MACROD2: variants seen among roughly 807,000 people sequenced by gnomAD.
MACROD2 encodes mono-ADP ribosylhydrolase 2.
In MACROD2, 36 loss-of-function variants were observed where a neutral mutation model predicts 70.4. The ratio of observed to expected loss-of-function variants is 0.51; its 90% confidence interval spans 0.39 to 0.68. The LOEUF (loss-of-function observed/expected upper bound fraction) is 0.68, where lower values mean the gene tolerates loss of function less well. Among genes scored for constraint, MACROD2 ranks in the 30% least tolerant of loss-of-function variants. The probability of loss-of-function intolerance (pLI) is 0.00; values close to 1 mark genes in which losing one functional copy is unlikely to be tolerated. For synonymous variants in MACROD2, 172 were observed against 178.8 expected (o/e 0.96, Z 0.30); for missense variants, 496 against 538.4 (o/e 0.92, Z 0.78).
chr20:15,803,441 A>G (rs2063743208), intron 8 of MACROD2, among the ~76,000 whole-genome samples: 1 of 152,168 alleles, frequency 6.6e-6, no homozygotes, highest in Admixed American at 6.5e-5. Context: ...TATTTCAAAT[A>G]AAAAGTGCCT....
intron 5 of MACROD2, among the ~76,000 whole-genome samples, chr20:14,988,136 G>A (rs2122859457): frequency 6.6e-6 from 1 of 152,104 alleles, no homozygotes; most frequent in African/African-American, 2.4e-5. Flanking sequence ...GGTCGAGGCG[G>A]GCAGATCACC....
At chr20:14,475,604 A>G (rs391759) in intron 3 of MACROD2, among the ~76,000 whole-genome samples, 65,893 of 151,406 alleles carry the variant, frequency 0.44, 16,037 homozygotes, top group East Asian at 0.82. Flanking sequence ...ATAGCAATTA[A>G]TTGTTCATCT....
At chr20:14,935,265 C>A (rs1221728373) in intron 5 of MACROD2, 1 of 152,046 alleles carries the variant, frequency 6.6e-6, no homozygotes, top group Non-Finnish European at 1.5e-5. Context: ...TGTATCTTGT[C>A]TTTTTTGGCA....
chr20:14,600,685 A>G, intron 4 of MACROD2, among the ~76,000 whole-genome samples: 1 of 152,176 alleles, frequency 6.6e-6, no homozygotes, highest in Non-Finnish European at 1.5e-5. Flanking sequence ...GCAGGCACAC[A>G]GACTCCAGAG....
At chr20:15,437,039 A>G (rs190962015) in intron 7 of MACROD2, among the ~76,000 whole-genome samples, 183 of 152,286 alleles carry the variant, frequency 1.2e-3, no homozygotes, top group African/African-American at 4.2e-3. Flanking sequence ...CACTTTCTAT[A>G]TCTCCATAAA....
At chr20:14,003,168 A>G (rs1274099726) in intron 2 of MACROD2, among the ~76,000 whole-genome samples, 2 of 152,196 alleles carry the variant, frequency 1.3e-5, no homozygotes, top group African/African-American at 4.8e-5. Flanking sequence ...GCTAATTTCA[A>G]AGGTTGTGGT....
chr20:15,995,076 ATTGAG>A (rs1032016393), intron 15 of MACROD2, among the ~76,000 whole-genome samples: 2 of 152,092 alleles, frequency 1.3e-5, no homozygotes, highest in Non-Finnish European at 1.5e-5. Flanking sequence ...TTGATATATA[ATTGAG>A]TTATTTTTTT....
At chr20:16,016,282 C>A (rs1007568184) in intron 15 of MACROD2, among the ~76,000 whole-genome samples, 6 of 152,090 alleles carry the variant, frequency 3.9e-5, no homozygotes, top group Admixed American at 2.6e-4. Context: ...CAATAACTCC[C>A]AAATCTTGTC....
chr20:15,433,343 A>T (rs1447008550), intron 7 of MACROD2, among the ~76,000 whole-genome samples: 5 of 151,486 alleles, frequency 3.3e-5, no homozygotes, highest in African/African-American at 1.2e-4. Context: ...TGATAAACGA[A>T]TTCAGGAATG....
chr20:14,717,534 G>C (rs1255778841), intron 5 of MACROD2, among the ~76,000 whole-genome samples: 1 of 143,246 alleles, frequency 7.0e-6, no homozygotes, highest in East Asian at 2.1e-4. Flanking sequence ...CTTTTATGTA[G>C]TTTTTTTTTT....
At chr20:15,610,973 T>C (rs1197984429) in intron 8 of MACROD2, among the ~76,000 whole-genome samples, 1 of 148,982 alleles carries the variant, frequency 6.7e-6, no homozygotes, top group Non-Finnish European at 1.5e-5. Flanking sequence ...TTTCTTTTTA[T>C]GTCTTTTAGC....
intron 15 of MACROD2, among the ~76,000 whole-genome samples, chr20:16,020,685 C>T (rs899139625): frequency 4.0e-5 from 6 of 151,362 alleles, no homozygotes; most frequent in South Asian, 2.1e-4. Context: ...CGAATTCACT[C>T]TTCCTTAATT....
chr20:14,854,493 C>G (rs2073232296), intron 5 of MACROD2, among the ~76,000 whole-genome samples: 1 of 152,064 alleles, frequency 6.6e-6, no homozygotes, highest in Admixed American at 6.5e-5. Context: ...GGTGAGCTGT[C>G]TACTTTGATT....
At chr20:15,563,456 T>C (rs1007110869) in intron 8 of MACROD2, among the ~76,000 whole-genome samples, 2 of 152,208 alleles carry the variant, frequency 1.3e-5, no homozygotes, top group Non-Finnish European at 2.9e-5. Flanking sequence ...ATCTCTACTC[T>C]TCATGCTTGC....
intron 5 of MACROD2, among the ~76,000 whole-genome samples, chr20:14,904,387 A>G (rs1182415816): frequency 1.3e-5 from 2 of 152,210 alleles, no homozygotes; most frequent in Non-Finnish European, 2.9e-5. Context: ...TGATAGAACT[A>G]AAGATGTGAC....
chr20:14,504,789 C>T (rs1197235518), intron 4 of MACROD2, among the ~76,000 whole-genome samples: 1 of 152,114 alleles, frequency 6.6e-6, no homozygotes, highest in African/African-American at 2.4e-5. Context: ...TTCTGAGGAT[C>T]TTGTTGTATT....
chr20:15,259,811 T>C (rs964972037), intron 6 of MACROD2, among the ~76,000 whole-genome samples: 1 of 151,860 alleles, frequency 6.6e-6, no homozygotes, highest in Non-Finnish European at 1.5e-5. Context: ...TGGCCCCAGA[T>C]ATGAAATGAA....
chr20:16,051,285 T>C lies in MACROD2; in HGVS notation c.*1409T>C, dbSNP rs2067455440. ...ACAGAGGGAGAAAAATAGTGGATTA[T>C]TATTTCTAAAATAAAAGGATGTTCT... is the stretch of plus-strand genomic sequence containing the variant. On this transcript the variant is annotated 3_prime_UTR_variant, in exon 18 of 18. Coordinates refer to ENST00000684519, the MANE Select transcript of MACROD2 (RefSeq NM_001351661.2). 1 of 152,238 alleles carries C rather than the reference T, an allele frequency of 6.6e-6. No homozygotes were observed. Among genetic ancestry groups the C allele is most frequent in the South Asian group, 2.1e-4 (1 of 4,832 alleles). The allele number at this position is 152,238 out of a possible 1,614,324, so 9.4% of individuals were successfully genotyped here.
chr20:14,862,331 AT>A, intron 5 of MACROD2, among the ~76,000 whole-genome samples: 1 of 31,128 alleles, frequency 3.2e-5, no homozygotes, highest in Non-Finnish European at 5.3e-5. Flanking sequence ...ATATATAAAA[AT>A]ATATATTAAT....
Sources: allele counts gnomAD v4.1 joint callset (sites outside exome capture counted in the v4.1 genomes callset), GRCh38; gene constraint gnomAD v4.1.1; transcripts MANE v1.5; gene names NCBI Gene and HGNC (gene_info 2026-07-23, HGNC 2026-07-21).